TMEM41B: variants seen among roughly 807,000 people sequenced by gnomAD.
The protein encoded by TMEM41B is protein stasimon.
Under a neutral mutation model 31.9 loss-of-function variants are expected in TMEM41B, and 18 were observed. The observed-to-expected ratio is 0.56, with a 90% CI of 0.39 to 0.84. The LOEUF (loss-of-function observed/expected upper bound fraction) is 0.84, where lower values mean the gene tolerates loss of function less well. Ranked by LOEUF, TMEM41B falls within the 40% of genes least tolerant of loss-of-function variation. The pLI, the probability that TMEM41B is intolerant of heterozygous loss-of-function variation, is 0.00. For missense variants in TMEM41B, 322 were observed against 348.0 expected (o/e 0.93, Z 0.59); for synonymous variants, 144 against 124.3 (o/e 1.16, Z -1.05).
chr11:9,303,185 T>C (rs1853298034), intron 1 of TMEM41B, among the ~76,000 whole-genome samples: 1 of 152,028 alleles, frequency 6.6e-6, no homozygotes, highest in Non-Finnish European at 1.5e-5. Context: ...CTGGCTAATT[T>C]TTTTTGTATT....
intron 3 of TMEM41B, among the ~76,000 whole-genome samples, chr11:9,291,995 C>T (rs976644722): frequency 6.6e-6 from 1 of 152,132 alleles, no homozygotes; most frequent in Admixed American, 6.6e-5. Context: ...TGTTAGCCAC[C>T]GTGCCTGGCC....
At chr11:9,288,045 T>C in intron 4 of TMEM41B, 2 of 486,246 alleles carry the variant, frequency 4.1e-6, no homozygotes, top group Non-Finnish European at 7.2e-6. Context: ...TCCAAATAAT[T>C]AATGCTAGGC....
intron 2 of TMEM41B, among the ~76,000 whole-genome samples, chr11:9,298,028 C>T (rs1300586917): frequency 7.7e-6 from 1 of 130,042 alleles, no homozygotes; most frequent in Non-Finnish European, 1.5e-5. Context: ...TGTGCCACTA[C>T]ACTTCAGCCT....
intron 1 of TMEM41B, among the ~76,000 whole-genome samples, chr11:9,308,791 G>A (rs77223729): frequency 0.059 from 8,916 of 152,246 alleles, 356 homozygotes; most frequent in South Asian, 0.1. Context: ...TCAGGAAAAA[G>A]CATCTGATCT....
At chr11:9,296,689 T>A (rs544740552) in intron 2 of TMEM41B, among the ~76,000 whole-genome samples, 110 of 151,642 alleles carry the variant, frequency 7.3e-4, no homozygotes, top group Non-Finnish European at 1.4e-3. Flanking sequence ...TTTTGGGTAA[T>A]CCTGATGATA....
At position 9,303,560 on chromosome 11, in the gene TMEM41B, G is replaced by C. The variant is rs1249392167; in HGVS notation, c.122-3859C>G. Among the ~76,000 whole-genome samples, 3 of 151,484 alleles carry C rather than the reference G, an allele frequency of 2.0e-5. No individual in the cohort carries two copies. The East Asian group carries it at 5.8e-4, about 29-fold the overall frequency. On this transcript the variant is annotated intron_variant, in intron 1 of 6. Coordinates refer to ENST00000528080, the MANE Select transcript of TMEM41B (RefSeq NM_015012.4). Reference sequence around the variant, plus strand: ...TATTCTTACCTATTCATTAAATTTAGCAAGTTTTCTATAAAAAACTAAATT... The same window carrying C: ...TATTCTTACCTATTCATTAAATTTACCAAGTTTTCTATAAAAAACTAAATT...
chr11:9,283,586 T>A lies in TMEM41B; in HGVS notation c.714A>T (p.Ala238=), dbSNP rs148901140. 3.8e-6 allele frequency: 6 copies of A among 1,598,354 alleles called. No homozygotes were observed. The African/African-American group carries it at 8.1e-5, about 22-fold the overall frequency. The change falls in exon 7 of 7, where the codon GCA becomes GCT. Residue 238 remains alanine, a synonymous_variant. Transcript: ENST00000528080. ...VFFIGTFLGV[A]PPSFVAIKAG... ...CCTTAATGGCTACAAAAGAAGGAGG[T>A]GCGACACCTGAAATAAAATATAAAA...
At chr11:9,311,555 T>C in intron 1 of TMEM41B, 2 of 1,124,016 alleles carry the variant, frequency 1.8e-6, no homozygotes, top group Non-Finnish European at 2.5e-6. Context: ...GCGGAGCTCC[T>C]GGGGGAGGAG....
At chr11:9,306,690 A>C (rs1853406960) in intron 1 of TMEM41B, among the ~76,000 whole-genome samples, 2 of 152,108 alleles carry the variant, frequency 1.3e-5, no homozygotes, top group Non-Finnish European at 2.9e-5. Flanking sequence ...CGTCTCAAAA[A>C]AAAAAAGAAA....
intron 3 of TMEM41B, 33 bp downstream of exon 3, chr11:9,295,226 A>G: frequency 6.8e-7 from 1 of 1,479,826 alleles, no homozygotes; most frequent in Non-Finnish European, 9.1e-7. Context: ...TCTTGAACAA[A>G]ATTAGAAAAC....
chr11:9,304,907 T>C lies in TMEM41B; in HGVS notation c.122-5206A>G, dbSNP rs550985807. On this transcript the variant is annotated intron_variant, in intron 1 of 6. Coordinates refer to ENST00000528080, the MANE Select transcript of TMEM41B (RefSeq NM_015012.4). ...TCTTAACCTCGTGATCTGCCCCCCT[T>C]GGCCTACCAAAGTGCTGGAATTACA... 2.0e-5 allele frequency among the ~76,000 whole-genome samples: 3 copies of C among 152,210 alleles called. No individual in the cohort carries two copies. In the East Asian group the frequency reaches 5.8e-4, roughly 29 times the overall value.
chr11:9,296,308 C>T (rs1853084246), intron 2 of TMEM41B, among the ~76,000 whole-genome samples: 1 of 151,932 alleles, frequency 6.6e-6, no homozygotes, highest in Non-Finnish European at 1.5e-5. Context: ...AACATCGAAA[C>T]AAATTTTAAC....
At chr11:9,307,880 G>C (rs542989872) in intron 1 of TMEM41B, among the ~76,000 whole-genome samples, 5 of 152,156 alleles carry the variant, frequency 3.3e-5, no homozygotes, top group Non-Finnish European at 7.4e-5. Flanking sequence ...CAAGTAGCTG[G>C]GACTACAGGC....
intron 1 of TMEM41B, among the ~76,000 whole-genome samples, chr11:9,305,544 G>A (rs1853368436): frequency 6.6e-6 from 1 of 152,164 alleles, no homozygotes; most frequent in Non-Finnish European, 1.5e-5. Flanking sequence ...AGGTTGTGGT[G>A]AGCCAAAGTT....
In TMEM41B at chr11:9,311,702, C is replaced by T. The variant is rs541884524; in HGVS notation, c.121+2619G>A. 150 of 761,234 alleles carry T rather than the reference C, an allele frequency of 2.0e-4. No individual in the cohort carries two copies. The East Asian group carries it at 3.6e-3, about 18-fold the overall frequency. The allele number at this position is 761,234 out of a possible 1,614,324, so 47.2% of individuals were successfully genotyped here. ...TGGGATTCCACATGTTTAGGTGTGTCCTCCAGCCTTTCCACTGCTGCCTGG... is the reference window on the plus strand; with the variant it reads ...TGGGATTCCACATGTTTAGGTGTGTTCTCCAGCCTTTCCACTGCTGCCTGG... On this transcript the variant is annotated intron_variant, in intron 1 of 6. Coordinates refer to ENST00000528080, the MANE Select transcript of TMEM41B (RefSeq NM_015012.4).
chr11:9,296,950 G>A (rs1005843375), intron 2 of TMEM41B, among the ~76,000 whole-genome samples: 1 of 152,058 alleles, frequency 6.6e-6, no homozygotes, highest in African/African-American at 2.4e-5. Flanking sequence ...AGGCTCCCAT[G>A]CTCTGTCACC....
intron 1 of TMEM41B, among the ~76,000 whole-genome samples, chr11:9,300,750 C>T (rs4910039): frequency 0.059 from 8,899 of 151,536 alleles, 345 homozygotes; most frequent in South Asian, 0.1. Flanking sequence ...TGGTGGCAGG[C>T]GCCTGTAGTC....
At chr11:9,291,652 G>C (rs1852963073) in intron 3 of TMEM41B, among the ~76,000 whole-genome samples, 1 of 151,628 alleles carries the variant, frequency 6.6e-6, no homozygotes, top group Non-Finnish European at 1.5e-5. Flanking sequence ...CACCCCGCTT[G>C]GCCTCCCAAA....
chr11:9,290,349 G>C (rs1474966832), intron 3 of TMEM41B, among the ~76,000 whole-genome samples: 1 of 152,172 alleles, frequency 6.6e-6, no homozygotes, highest in African/African-American at 2.4e-5. Context: ...CTGCAAGCCA[G>C]CCTGGCAACA....
Sources: gnomAD v4.1 joint callset for allele counts (sites outside exome capture counted in the v4.1 genomes callset) on GRCh38, gnomAD v4.1.1 for gene constraint, MANE v1.5 for transcripts, NCBI Gene and HGNC (gene_info 2026-07-23, HGNC 2026-07-21) for gene names.